SLC9D1: variants seen among roughly 807,000 people sequenced by gnomAD.
SLC9D1 encodes putative LAG1-interacting protein.
the SLC9D1 span, among the ~76,000 whole-genome samples, chr13:113,546,606 T>C: frequency 5.9e-5 from 9 of 152,166 alleles, no homozygotes; most frequent in African/African-American, 2.2e-4. The surrounding 1 kb of genome is among the most constrained non-coding windows in gnomAD (Gnocchi z 7.1). Context: ...TCCGTGCACC[T>C]AACCCTGGGG....
the SLC9D1 span, chr13:113,549,312 ACT>A: frequency 1.7e-6 from 2 of 1,201,630 alleles, no homozygotes; most frequent in Admixed American, 4.1e-5. Flanking sequence ...CAGCCTCAGG[ACT>A]CTAGCTTTGC....
At chr13:113,546,188 G>A in the SLC9D1 span, among the ~76,000 whole-genome samples, 7 of 152,284 alleles carry the variant, frequency 4.6e-5, no homozygotes, top group East Asian at 1.4e-3. The surrounding 1 kb of genome is among the most constrained non-coding windows in gnomAD (Gnocchi z 7.1). Flanking sequence ...AGACACCAGT[G>A]TGGCCAAAGG....
chr13:113,500,863 T>C, the SLC9D1 span, among the ~76,000 whole-genome samples: 2 of 152,194 alleles, frequency 1.3e-5, no homozygotes, highest in Admixed American at 1.3e-4. Flanking sequence ...GTGGTCACGA[T>C]GGAGTGGGTC....
the SLC9D1 span, chr13:113,549,533 C>T: frequency 1.2e-6 from 2 of 1,614,132 alleles, no homozygotes; most frequent in East Asian, 2.2e-5. Flanking sequence ...ACGGTCCAGC[C>T]TCTGATGGCT....
the SLC9D1 span, among the ~76,000 whole-genome samples, chr13:113,541,191 G>A: frequency 6.6e-6 from 1 of 152,274 alleles, no homozygotes; most frequent in African/African-American, 2.4e-5. Context: ...TGGCTGTTGG[G>A]GCTCTTTATT....
chr13:113,513,058 G>A, the SLC9D1 span, among the ~76,000 whole-genome samples: 2 of 152,152 alleles, frequency 1.3e-5, no homozygotes, highest in Non-Finnish European at 2.9e-5. Context: ...AGTCCACCCA[G>A]GCATGTCATG....
At chr13:113,510,347 T>C in the SLC9D1 span, 1 of 1,614,218 alleles carries the variant, frequency 6.2e-7, no homozygotes, top group East Asian at 2.2e-5. Context: ...AGCGTCTTCA[T>C]TTCCACGTGT....
chr13:113,518,047 T>G, the SLC9D1 span, among the ~76,000 whole-genome samples: 2 of 152,178 alleles, frequency 1.3e-5, no homozygotes, highest in South Asian at 4.1e-4. Context: ...TTAAACTGTT[T>G]AATAAAAGGA....
At chr13:113,499,966 G>T in the SLC9D1 span, 2 of 1,497,044 alleles carry the variant, frequency 1.3e-6, no homozygotes, top group East Asian at 2.4e-5. Flanking sequence ...AGGTCAAGGG[G>T]GTCAATTTTG....
the SLC9D1 span, among the ~76,000 whole-genome samples, chr13:113,532,525 G>T: frequency 6.6e-6 from 1 of 152,146 alleles, no homozygotes; most frequent in Non-Finnish European, 1.5e-5. Flanking sequence ...CTGGGCCTCT[G>T]TGTGGAGAGC....
chr13:113,497,222 G>GGT, the SLC9D1 span, among the ~76,000 whole-genome samples: 1 of 152,010 alleles, frequency 6.6e-6, no homozygotes, highest in Non-Finnish European at 1.5e-5. Flanking sequence ...GGTCTGCTTT[G>GGT]GTGTGCTAGA....
At chr13:113,507,663 T>G in the SLC9D1 span, among the ~76,000 whole-genome samples, 1 of 152,240 alleles carries the variant, frequency 6.6e-6, no homozygotes, top group Admixed American at 6.5e-5. Flanking sequence ...TTAAACTTGA[T>G]CTCTTAAGAG....
the SLC9D1 span, among the ~76,000 whole-genome samples, chr13:113,538,447 C>T: frequency 1.3e-3 from 201 of 152,306 alleles, 2 homozygotes; most frequent in African/African-American, 4.6e-3. Context: ...AAATTCCACT[C>T]GAGTTTTTAG....
chr13:113,494,894 T>C, the SLC9D1 span, among the ~76,000 whole-genome samples: 1 of 152,148 alleles, frequency 6.6e-6, no homozygotes, highest in Non-Finnish European at 1.5e-5. Context: ...GTTTTTGTTT[T>C]TTTTTTGAGA....
the SLC9D1 span, among the ~76,000 whole-genome samples, chr13:113,519,613 G>A: frequency 2.0e-5 from 3 of 152,156 alleles, no homozygotes; most frequent in Admixed American, 6.5e-5. Flanking sequence ...TGCCGGGCCC[G>A]CCTTGGTCAC....
At chr13:113,509,717 G>A in the SLC9D1 span, among the ~76,000 whole-genome samples, 2 of 152,178 alleles carry the variant, frequency 1.3e-5, no homozygotes, top group Admixed American at 1.3e-4. Flanking sequence ...TTGATGTATC[G>A]TATTTATGTT....
chr13:113,521,343 T>C, the SLC9D1 span, among the ~76,000 whole-genome samples: 1 of 151,044 alleles, frequency 6.6e-6, no homozygotes, highest in African/African-American at 2.4e-5. Flanking sequence ...CATGTGCGTC[T>C]GCATGTATAT....
At chr13:113,528,754 A>G in the SLC9D1 span, 2 of 152,186 alleles carry the variant, frequency 1.3e-5, no homozygotes, top group African/African-American at 4.8e-5. Context: ...GAGGGTCCTT[A>G]TCATGGCCAT....
At chr13:113,498,088 G>C in the SLC9D1 span, among the ~76,000 whole-genome samples, 1 of 152,220 alleles carries the variant, frequency 6.6e-6, no homozygotes, top group African/African-American at 2.4e-5. Flanking sequence ...ATGACCTACA[G>C]ATATTACATT....
Sources: allele counts gnomAD v4.1 joint callset (sites outside exome capture counted in the v4.1 genomes callset), GRCh38; gene constraint gnomAD v4.1.1; non-coding constraint Gnocchi (gnomAD v3.1); transcripts MANE v1.5; gene names NCBI Gene and HGNC (gene_info 2026-07-23, HGNC 2026-07-21).